The following LEPROTL1 variants were observed in gnomAD, a reference collection of about 807,000 sequenced individuals.
LEPROTL1 encodes the protein leptin receptor overlapping transcript like 1.
A neutral mutation model predicts 15.4 loss-of-function variants in LEPROTL1; 6 were observed. The ratio of observed to expected loss-of-function variants is 0.39; its 90% confidence interval spans 0.21 to 0.77. The LOEUF is 0.77. Among genes scored for constraint, LEPROTL1 ranks in the 30% least tolerant of loss-of-function variants. The pLI is 0.41. For synonymous variants in LEPROTL1, 56 were observed against 52.6 expected, an observed-to-expected ratio of 1.06 and a Z score of -0.28; for missense variants, 128 against 158.1, an observed-to-expected ratio of 0.81 and a Z score of 1.02.
At chr8:30,102,052 C>G (rs1038113155) in intron 2 of LEPROTL1, 79 bp downstream of exon 2, 7 of 825,528 alleles carry the variant, frequency 8.5e-6, no homozygotes, top group Non-Finnish European at 1.4e-5. Flanking sequence ...TGTTTTTTTA[C>G]TACTGTAAAA....
At position 30,095,429 on chromosome 8, in the gene LEPROTL1, C is replaced by G. The variant is rs967632318; in HGVS notation, c.-84C>G. On this transcript the variant is annotated 5_prime_UTR_variant, in exon 1 of 4. Coordinates refer to ENST00000321250, the MANE Select transcript of LEPROTL1 (RefSeq NM_015344.3). ...TCGCGCACTTCCGGGTGTTGTCTGGCCGCCGTAGCGCGTCTTGGGTCTCCC... is the reference window on the plus strand; with the variant it reads ...TCGCGCACTTCCGGGTGTTGTCTGGGCGCCGTAGCGCGTCTTGGGTCTCCC... The G allele has an allele frequency of 1.2e-5, 17 of 1,382,124 alleles. No individual in the cohort carries two copies. The highest frequency in any genetic ancestry group is 1.6e-5 in the Non-Finnish European group (17 of 1,044,564). The allele number at this position is 1,382,124 out of a possible 1,614,324, so 85.6% of individuals were successfully genotyped here.
intron 3 of LEPROTL1, among the ~76,000 whole-genome samples, chr8:30,122,011 CA>C (rs202175577): frequency 0.013 from 2,015 of 151,720 alleles, 46 homozygotes; most frequent in East Asian, 0.074. Context: ...ACTAAAAATA[CA>C]AAAAATTAGC....
chr8:30,106,799 A>G lies in LEPROTL1; in HGVS notation c.*937A>G. The G allele has an allele frequency of 1.0e-6, 1 of 984,678 alleles. No homozygotes were observed. Among genetic ancestry groups the G allele is most frequent in the Non-Finnish European group, 1.2e-6 (1 of 828,952 alleles). The allele number at this position is 984,678 out of a possible 1,614,324, so 61.0% of individuals were successfully genotyped here. ...AGGGACAGTTGTATGTTTGCATCAT[A>G]TATGCCAGAAAACCTTCCTCTGCTT... On this transcript the variant is annotated 3_prime_UTR_variant, in exon 4 of 4. Coordinates refer to ENST00000321250, the MANE Select transcript of LEPROTL1 (RefSeq NM_015344.3).
chr8:30,123,678 T>A lies in LEPROTL1; in HGVS notation c.280-8697T>A, dbSNP rs116536900. Among the ~76,000 whole-genome samples, 1,120 of 152,366 alleles carry A rather than the reference T, an allele frequency of 7.4e-3. 23 individuals are homozygous for A. Among genetic ancestry groups the A allele is most frequent in the African/African-American group, 0.026 (1,072 of 41,582 alleles). On this transcript the variant is annotated intron_variant, in intron 3 of 4. Coordinates refer to the LEPROTL1 transcript ENST00000442880. ...GAAGTATGTTTGCATGGTTCCCATG[T>A]CTATACTTATTCCTGCTTAGGAAGC...
chr8:30,127,668 CA>C (rs5890499), intron 3 of LEPROTL1, among the ~76,000 whole-genome samples: 8,301 of 97,716 alleles, frequency 0.085, 307 homozygotes, highest in East Asian at 0.29. Context: ...GACCCTGTCT[CA>C]AAAAAAAAAA....
chr8:30,128,847 C>A (rs919537484), intron 3 of LEPROTL1, among the ~76,000 whole-genome samples: 1 of 150,958 alleles, frequency 6.6e-6, no homozygotes, highest in Admixed American at 6.6e-5. Flanking sequence ...ACTGCACACA[C>A]CCCTAGACAG....
At position 30,106,601 on chromosome 8, in the gene LEPROTL1, A is replaced by C. The variant is rs564342122; in HGVS notation, c.*739A>C. 1 of 983,668 alleles carries C rather than the reference A, an allele frequency of 1.0e-6. No individual in the cohort carries two copies. The highest frequency in any genetic ancestry group is 4.7e-5 in the South Asian group (1 of 21,254). The allele number at this position is 983,668 out of a possible 1,614,324, so 60.9% of individuals were successfully genotyped here. A position where few individuals can be genotyped will look rare whatever the true frequency, so the allele number is the denominator to read the frequency against. On this transcript the variant is annotated 3_prime_UTR_variant, in exon 4 of 4. Coordinates refer to ENST00000321250, the MANE Select transcript of LEPROTL1 (RefSeq NM_015344.3). ...AAGGGTGTAAAAACATTTTTGAGAT[A>C]AGGTTTTTATTTATGTTTATTATTG...
At chr8:30,112,338 C>T (rs1405012995), downstream of LEPROTL1, among the ~76,000 whole-genome samples, 4 of 146,410 alleles carry the variant, frequency 2.7e-5, no homozygotes, top group Admixed American at 7.0e-5. Flanking sequence ...TGGGTTCAAG[C>T]GATTGTCCTG....
chr8:30,128,669 T>C (rs1802942842), intron 3 of LEPROTL1, among the ~76,000 whole-genome samples: 2 of 151,850 alleles, frequency 1.3e-5, no homozygotes, highest in South Asian at 4.2e-4. Context: ...GGAGGATTCC[T>C]TGAGCCCAGG....
At chr8:30,116,398 A>T (rs1012501006) in intron 3 of LEPROTL1, among the ~76,000 whole-genome samples, 3 of 152,034 alleles carry the variant, frequency 2.0e-5, no homozygotes, top group Non-Finnish European at 4.4e-5. Flanking sequence ...TGGTTTTGGG[A>T]TGAAACCGTT....
At chr8:30,127,899 G>T (rs903663762) in intron 3 of LEPROTL1, among the ~76,000 whole-genome samples, 1 of 152,046 alleles carries the variant, frequency 6.6e-6, no homozygotes, top group Admixed American at 6.6e-5. Flanking sequence ...CGGGTGGGGT[G>T]TCAATAACCA....
chr8:30,132,789 AGAGC>A (rs1803055628), intron 4 of LEPROTL1: 1 of 1,551,644 alleles, frequency 6.4e-7, no homozygotes, highest in Non-Finnish European at 8.7e-7. Flanking sequence ...GCTCAGACAA[AGAGC>A]TCCTGCTCCT....
chr8:30,095,718 G>C, intron 1 of LEPROTL1, 190 bp downstream of exon 1: 1 of 686,416 alleles, frequency 1.5e-6, no homozygotes. Flanking sequence ...GGCAACGGAC[G>C]GTTGCGACCC....
chr8:30,133,693 G>T lies in LEPROTL1; in HGVS notation c.394+1204G>T, dbSNP rs144460215. Among the ~76,000 whole-genome samples, 693 of 151,488 alleles carry T rather than the reference G, an allele frequency of 4.6e-3. 3 individuals are homozygous for T. Among genetic ancestry groups the T allele is most frequent in the Non-Finnish European group, 7.3e-3 (496 of 67,922 alleles). On this transcript the variant is annotated intron_variant, in intron 4 of 4. Coordinates refer to the LEPROTL1 transcript ENST00000442880. ...GGTCCCATCACTTTGGGAGGCTGAC[G>T]TGGGTGGAACCCTTGAGCCCAGGAG...
chr8:30,132,057 C>A, intron 3 of LEPROTL1: 1 of 1,551,778 alleles, frequency 6.4e-7, no homozygotes, highest in East Asian at 2.4e-5. Flanking sequence ...GACTCCTGAC[C>A]TCCACAGCCA....
chr8:30,118,650 G>A (rs60923212), intron 3 of LEPROTL1, among the ~76,000 whole-genome samples: 4 of 152,128 alleles, frequency 2.6e-5, no homozygotes, highest in African/African-American at 7.2e-5. Context: ...GGAGACTGGC[G>A]CTCAGCATAT....
At chr8:30,110,950 G>GT (rs1487274553), downstream of LEPROTL1, among the ~76,000 whole-genome samples, 1 of 152,158 alleles carries the variant, frequency 6.6e-6, no homozygotes, top group Non-Finnish European at 1.5e-5. Flanking sequence ...TGGTAGATCA[G>GT]TTTATTGTAT....
intron 2 of LEPROTL1, among the ~76,000 whole-genome samples, chr8:30,102,218 C>CT (rs1802478354): frequency 6.6e-6 from 1 of 152,060 alleles, no homozygotes; most frequent in Admixed American, 6.6e-5. Flanking sequence ...GGCAAGATAG[C>CT]TACACAGTAC....
At chr8:30,127,908 C>A (rs894058692) in intron 3 of LEPROTL1, among the ~76,000 whole-genome samples, 2 of 151,886 alleles carry the variant, frequency 1.3e-5, no homozygotes, top group African/African-American at 4.8e-5. Context: ...TGTCAATAAC[C>A]AGGTACTACC....
Sources: gnomAD v4.1 joint callset for allele counts (sites outside exome capture counted in the v4.1 genomes callset) on GRCh38, gnomAD v4.1.1 for gene constraint, MANE v1.5 for transcripts, NCBI Gene and HGNC (gene_info 2026-07-23, HGNC 2026-07-21) for gene names.